The following SPATA6 variants were observed in gnomAD, a reference collection of about 807,000 sequenced individuals.
The protein encoded by SPATA6 is spermatogenesis associated 6, also known as spermatogenesis-associated protein 6.
SPATA6 carries 56 observed loss-of-function variants against 65.3 expected under a neutral mutation model. The ratio of observed to expected loss-of-function variants is 0.86; its 90% CI spans 0.69 to 1.07. The LOEUF (loss-of-function observed/expected upper bound fraction) is 1.07, where lower values mean the gene tolerates loss of function less well. SPATA6 is among the 50% of genes least tolerant of loss of function. SPATA6 has a pLI of 0.00. For missense variants in SPATA6, 590 were observed against 594.8 expected (o/e 0.99, Z 0.08); for synonymous variants, 199 against 213.2 (o/e 0.93, Z 0.58).
At chr1:48,458,194 G>C (rs1207087001) in intron 1 of SPATA6, among the ~76,000 whole-genome samples, 1 of 151,888 alleles carries the variant, frequency 6.6e-6, no homozygotes, top group African/African-American at 2.4e-5. Flanking sequence ...TGGAAGAATA[G>C]ACAAAATAGT....
chr1:48,314,398 C>T (rs1416951389), intron 11 of SPATA6, among the ~76,000 whole-genome samples: 1 of 151,848 alleles, frequency 6.6e-6, no homozygotes, highest in African/African-American at 2.4e-5. Context: ...CACTCAAAAC[C>T]GCTCAACTAC....
the SPATA6 span, among the ~76,000 whole-genome samples, chr1:48,284,776 G>C: frequency 6.6e-6 from 1 of 152,230 alleles, no homozygotes; most frequent in African/African-American, 2.4e-5. Context: ...GAACAGCAAA[G>C]ATTGCTCCCT....
chr1:48,327,853 A>T (rs1645808018), intron 11 of SPATA6, among the ~76,000 whole-genome samples: 1 of 152,162 alleles, frequency 6.6e-6, no homozygotes, highest in Non-Finnish European at 1.5e-5. Flanking sequence ...TTGAAACATT[A>T]TCTATTCTGC....
chr1:48,333,912 T>C (rs1283223896), intron 11 of SPATA6, among the ~76,000 whole-genome samples: 1 of 151,994 alleles, frequency 6.6e-6, no homozygotes, highest in Non-Finnish European at 1.5e-5. Context: ...AAAGAGAGCA[T>C]ATCCAAATAA....
intron 12 of SPATA6, among the ~76,000 whole-genome samples, chr1:48,305,336 A>T (rs72891525): frequency 0.025 from 3,742 of 152,266 alleles, 97 homozygotes; most frequent in African/African-American, 0.067. Flanking sequence ...CTGCATTAAA[A>T]TTATGTCAGT....
At chr1:48,463,957 A>G (rs564949527) in intron 1 of SPATA6, among the ~76,000 whole-genome samples, 1 of 152,040 alleles carries the variant, frequency 6.6e-6, no homozygotes, top group African/African-American at 2.4e-5. Context: ...TCATTTTTTT[A>G]CAGACTATGA....
At chr1:48,310,928 TG>T (rs1295225936) in intron 11 of SPATA6, among the ~76,000 whole-genome samples, 1 of 152,120 alleles carries the variant, frequency 6.6e-6, no homozygotes, top group African/African-American at 2.4e-5. Context: ...GAAGAAAATT[TG>T]GGTAATTAAT....
chr1:48,343,228 A>T (rs950107775), intron 11 of SPATA6, among the ~76,000 whole-genome samples: 1 of 152,164 alleles, frequency 6.6e-6, no homozygotes. Context: ...AGACATAAAG[A>T]CATGAAGAGT....
intron 1 of SPATA6, among the ~76,000 whole-genome samples, chr1:48,453,823 T>C (rs1263638453): frequency 1.4e-5 from 2 of 146,276 alleles, no homozygotes; most frequent in African/African-American, 5.1e-5. Context: ...GGAGAAAAAG[T>C]AGAAAAGAAA....
chr1:48,291,645 C>T (rs1644768846), downstream of SPATA6, among the ~76,000 whole-genome samples: 1 of 152,162 alleles, frequency 6.6e-6, no homozygotes, highest in South Asian at 2.1e-4. Context: ...GTGAGCAGGG[C>T]TGAGAACTTG....
rs2148633327 is a variant in SPATA6, at chr1:48,298,547, T to C, written c.*166A>G. On this transcript the variant is annotated 3_prime_UTR_variant, in exon 13 of 13. Transcript: ENST00000371847. ...TCTGTAATAATTATTTTAAAAGGCT[T>C]GCCTATGATAATTTACCATTTGAAG... 1 of 606,486 alleles carries C rather than the reference T, an allele frequency of 1.6e-6. No individual in the cohort carries two copies. Among genetic ancestry groups the C allele is most frequent in the East Asian group, 3.0e-5 (1 of 33,784 alleles). 37.6% of individuals were successfully genotyped at this position (606,486 alleles called of 1,614,324 possible). A position where few individuals can be genotyped will look rare whatever the true frequency, so the allele number is the denominator to read the frequency against.
chr1:48,348,334 T>C (rs1646427537), intron 11 of SPATA6, among the ~76,000 whole-genome samples: 1 of 152,068 alleles, frequency 6.6e-6, no homozygotes, highest in East Asian at 1.9e-4. Context: ...TCACTATTAG[T>C]TATTCATTGT....
chr1:48,283,732 T>G, the SPATA6 span, among the ~76,000 whole-genome samples: 1 of 62,306 alleles, frequency 1.6e-5, no homozygotes, highest in African/African-American at 5.8e-5. Flanking sequence ...AAAATTCTTT[T>G]CTTTAAGAAT....
chr1:48,466,370 G>A (rs1274161738), intron 1 of SPATA6, among the ~76,000 whole-genome samples: 1 of 152,136 alleles, frequency 6.6e-6, no homozygotes, highest in East Asian at 1.9e-4. Flanking sequence ...ATACAAGTAA[G>A]ATACTATTTG....
At chr1:48,371,529 A>G (rs1225141013) in intron 9 of SPATA6, among the ~76,000 whole-genome samples, 1 of 152,232 alleles carries the variant, frequency 6.6e-6, no homozygotes, top group African/African-American at 2.4e-5. Context: ...TAAGTTTGAA[A>G]TCAGTGGCTG....
chr1:48,399,303 GA>G (rs532348242), intron 7 of SPATA6, 47 bp downstream of exon 7: 5 of 1,553,046 alleles, frequency 3.2e-6, no homozygotes, highest in South Asian at 2.4e-5. Context: ...GTTTTTTTGG[GA>G]AAAAAGCTGA....
At chr1:48,436,604 G>A in intron 3 of SPATA6, 2 of 1,613,758 alleles carry the variant, frequency 1.2e-6, no homozygotes, top group African/African-American at 1.3e-5. Context: ...GTTAAGCATG[G>A]ACAGAGGCAT....
chr1:48,355,496 T>A (rs2148806341), intron 11 of SPATA6, 174 bp downstream of exon 11: 1 of 510,362 alleles, frequency 2.0e-6, no homozygotes, highest in Admixed American at 3.5e-5. Flanking sequence ...ATGACTTAGG[T>A]CAAGCAGGCA....
chr1:48,447,199 T>C (rs1656137225), intron 3 of SPATA6, among the ~76,000 whole-genome samples: 5 of 152,168 alleles, frequency 3.3e-5, no homozygotes. Flanking sequence ...AATAGGTTAT[T>C]AGTAGGTAAG....
Sources: gnomAD v4.1 joint callset for allele counts (sites outside exome capture counted in the v4.1 genomes callset) on GRCh38, gnomAD v4.1.1 for gene constraint, MANE v1.5 for transcripts, NCBI Gene and HGNC (gene_info 2026-07-23, HGNC 2026-07-21) for gene names.